Variants in ZNF263 observed in about 807,000 individuals in gnomAD.
ZNF263 encodes the protein zinc finger protein 263.
Under a neutral mutation model 63.1 loss-of-function variants are expected in ZNF263, and 49 were observed. The ratio of observed to expected loss-of-function variants is 0.78; its 90% CI spans 0.62 to 0.99. ZNF263 has a LOEUF of 0.99. ZNF263 is among the 50% of genes least tolerant of loss of function. ZNF263 has a pLI of 0.00. For missense variants in ZNF263, 872 were observed against 854.8 expected (o/e 1.02, Z -0.25); for synonymous variants, 352 against 324.2 (o/e 1.09, Z -0.92).
intron 1 of ZNF263, chr16:3,298,959 C>A: frequency 8.3e-7 from 1 of 1,201,990 alleles, no homozygotes; most frequent in Non-Finnish European, 1.1e-6. Context: ...TCTTTAAACA[C>A]AAAATCTAAT....
At chr16:3,298,027 G>C (rs992525678) in intron 1 of ZNF263, among the ~76,000 whole-genome samples, 12 of 152,228 alleles carry the variant, frequency 7.9e-5, no homozygotes, top group Admixed American at 7.9e-4. Context: ...TTAACAGCGT[G>C]TATCGCAGCT....
chr16:3,296,167 CATTT>C (rs1304745034), downstream of ZNF263, among the ~76,000 whole-genome samples: 1 of 152,214 alleles, frequency 6.6e-6, no homozygotes, highest in Non-Finnish European at 1.5e-5. Context: ...TGTTCTCATT[CATTT>C]TCTTGGTTAT....
chr16:3,299,816 A>T, intron 2 of ZNF263: 1 of 1,588,678 alleles, frequency 6.3e-7, no homozygotes, highest in Non-Finnish European at 8.5e-7. Context: ...AAGTTTTGAA[A>T]AAACCATTCT....
chr16:3,293,995 G>A (rs1442573963), downstream of ZNF263, among the ~76,000 whole-genome samples: 1 of 152,114 alleles, frequency 6.6e-6, no homozygotes, highest in Non-Finnish European at 1.5e-5. Context: ...GCACGATCTC[G>A]GCTCACTGCA....
chr16:3,292,174 G>A (rs187763652), downstream of ZNF263, among the ~76,000 whole-genome samples: 5 of 152,272 alleles, frequency 3.3e-5, no homozygotes, highest in South Asian at 6.2e-4. Context: ...ATACAGCCCC[G>A]GAGGAAGGTA....
chr16:3,287,974 G>A (rs553705533), intron 4 of ZNF263, among the ~76,000 whole-genome samples: 225 of 151,762 alleles, frequency 1.5e-3, no homozygotes, highest in African/African-American at 5.0e-3. Context: ...AAAATTGGCC[G>A]GGCGCAGTGG....
At chr16:3,288,218 C>T (rs1310443283) in intron 4 of ZNF263, among the ~76,000 whole-genome samples, 1 of 150,986 alleles carries the variant, frequency 6.6e-6, no homozygotes, top group Non-Finnish European at 1.5e-5. Context: ...TGCCACTGCA[C>T]TCCAGCCTGG....
intron 1 of ZNF263, among the ~76,000 whole-genome samples, chr16:3,284,774 T>C (rs1393342727): frequency 6.6e-6 from 1 of 152,004 alleles, no homozygotes; most frequent in Admixed American, 6.6e-5. Flanking sequence ...GCCTATCCTA[T>C]AGTGAGGAAT....
intron 1 of ZNF263, chr16:3,298,912 C>G (rs1409741074): frequency 1.1e-5 from 8 of 724,950 alleles, no homozygotes; most frequent in East Asian, 3.0e-5. Flanking sequence ...TAAAACAAGA[C>G]AATTCACAGC....
intron 2 of ZNF263, chr16:3,299,989 C>T: frequency 6.2e-7 from 1 of 1,614,014 alleles, no homozygotes; most frequent in East Asian, 2.2e-5. Flanking sequence ...GGCAGACAAC[C>T]TTTCTTTGTT....
At chr16:3,300,257 T>G in intron 2 of ZNF263, 1 of 1,614,244 alleles carries the variant, frequency 6.2e-7, no homozygotes, top group Non-Finnish European at 8.5e-7. Context: ...GTGCTAGCTT[T>G]GAAATCTGTT....
chr16:3,292,787 A>G (rs187524343), downstream of ZNF263: 99 of 152,308 alleles, frequency 6.5e-4, no homozygotes, highest in African/African-American at 2.1e-3. Context: ...GCTTCACTCA[A>G]ATCTTCAGTC....
At chr16:3,293,760 A>G (rs1959675417), downstream of ZNF263, among the ~76,000 whole-genome samples, 1 of 152,258 alleles carries the variant, frequency 6.6e-6, no homozygotes, top group Admixed American at 6.5e-5. Context: ...GGGAGCAATG[A>G]CAACAAAGCC....
intron 2 of ZNF263, chr16:3,300,269 G>A (rs377228209): frequency 6.2e-6 from 10 of 1,613,982 alleles, no homozygotes; most frequent in African/African-American, 1.3e-5. Flanking sequence ...AAATCTGTTC[G>A]CCCAAAACAC....
At chr16:3,293,584 C>T (rs1959671908), downstream of ZNF263, among the ~76,000 whole-genome samples, 1 of 152,228 alleles carries the variant, frequency 6.6e-6, no homozygotes, top group African/African-American at 2.4e-5. Flanking sequence ...GACCTCTAGC[C>T]TCTAAGTCCA....
At chr16:3,289,267 G>A (rs1007824322) in intron 5 of ZNF263, 126 bp from the exon 6 acceptor site, 64 of 985,038 alleles carry the variant, frequency 6.5e-5, no homozygotes, top group Non-Finnish European at 8.7e-5. Flanking sequence ...TTTAGGAGAG[G>A]ATGGGATTCT....
At position 3,290,569 on chromosome 16, in the gene ZNF263, G is replaced by T; in HGVS notation, c.*11G>T. On this transcript the variant is annotated 3_prime_UTR_variant, in exon 6 of 6. Transcript: ENST00000219069. ...ACTCACACAGGTTAGTAACAGTGGG[G>T]TTTCTCTTTGCCCCAGGTGAGGTGG... 2 of 1,590,624 alleles carry T rather than the reference G, an allele frequency of 1.3e-6. No individual in the cohort carries two copies. Among genetic ancestry groups the T allele is most frequent in the Non-Finnish European group, 1.7e-6 (2 of 1,168,478 alleles).
intron 4 of ZNF263, 49 bp from the exon 5 acceptor site, chr16:3,288,405 G>C: frequency 7.3e-7 from 1 of 1,377,918 alleles, no homozygotes; most frequent in Non-Finnish European, 1.0e-6. Context: ...TCCCTACCCT[G>C]GTAGAGGAAA....
downstream of ZNF263, chr16:3,292,985 A>G (rs1441593546): frequency 1.3e-5 from 2 of 152,242 alleles, no homozygotes; most frequent in Admixed American, 6.5e-5. Context: ...TGAAGACCAC[A>G]CTGGCAGGAA....
Sources: allele counts gnomAD v4.1 joint callset (sites outside exome capture counted in the v4.1 genomes callset), GRCh38; gene constraint gnomAD v4.1.1; transcripts MANE v1.5; gene names NCBI Gene and HGNC (gene_info 2026-07-23, HGNC 2026-07-21).